BCAS3: variants seen among roughly 807,000 people sequenced by gnomAD.
BCAS3 encodes BCAS4/BCAS3 fusion.
A neutral mutation model predicts 116.1 loss-of-function variants in BCAS3; 53 were observed. That is an observed-to-expected ratio of 0.46 (90% CI 0.37 to 0.57). BCAS3 has a LOEUF of 0.57. Among genes scored for constraint, BCAS3 ranks in the 20% least tolerant of loss-of-function variants. The probability of loss-of-function intolerance (pLI) is 0.00; values close to 1 mark genes in which losing one functional copy is unlikely to be tolerated. For synonymous variants in BCAS3, 391 were observed against 408.2 expected, an observed-to-expected ratio of 0.96 and a Z score of 0.51; for missense variants, 917 against 1,165.4, an observed-to-expected ratio of 0.79 and a Z score of 3.10.
rs185834492 is a variant in BCAS3, at chr17:61,327,510, A to T, written c.2426-40817A>T. ...GGGAGCAAATAGAAAATGAAGCAAA[A>T]TTTTTTTTTTTTTAGACAGAGTCTC... On this transcript the variant is annotated intron_variant, in intron 22 of 23. Transcript: ENST00000407086. This position sits in a 1 kb window ranked among gnomAD's most constrained non-coding sequence, Gnocchi z 5.9. 0.012 allele frequency among the ~76,000 whole-genome samples: 1,741 copies of T among 145,598 alleles called. 44 individuals carry two copies. Among genetic ancestry groups the T allele is most frequent in the African/African-American group, 0.04 (1,596 of 39,984 alleles).
In BCAS3 at chr17:61,161,408, T is replaced by C. The variant is rs1376921915; in HGVS notation, c.2425+76844T>C. Among the ~76,000 whole-genome samples, 3 of 152,230 alleles carry C rather than the reference T, an allele frequency of 2.0e-5. No homozygotes were observed. The highest frequency in any genetic ancestry group is 2.9e-5 in the Non-Finnish European group (2 of 68,040). ...TGATCATGTTACAAGGCCCACTTGT[T>C]GCATTTAATTTAAAGCAGTTGTCCC... is the stretch of plus-strand genomic sequence containing the variant. On this transcript the variant is annotated intron_variant, in intron 22 of 23. Coordinates refer to ENST00000407086, the MANE Select transcript of BCAS3 (RefSeq NM_017679.5). The surrounding 1 kb of genome is among the most constrained non-coding windows in gnomAD (Gnocchi z 4.8).
In BCAS3 at chr17:61,012,427, C is replaced by CT. The variant is rs1330486215; in HGVS notation, c.1487-3320dup. Among the ~76,000 whole-genome samples the CT allele has an allele frequency of 3.9e-5, 6 of 152,022 alleles. No homozygotes were observed. Among genetic ancestry groups the CT allele is most frequent in the Non-Finnish European group, 8.8e-5 (6 of 67,922 alleles). ...CCTTTGCTTATGGCTTACAATCTGA[C>CT]TTTTCCACCTCACTGCTGAAACTAC... On this transcript the variant is annotated intron_variant, in intron 15 of 23. Coordinates refer to ENST00000407086, the MANE Select transcript of BCAS3 (RefSeq NM_017679.5). The surrounding 1 kb of genome is among the most constrained non-coding windows in gnomAD (Gnocchi z 4.5).
At chr17:61,069,730 C>T in intron 19 of BCAS3, 5 of 588,474 alleles carry the variant, frequency 8.5e-6, no homozygotes, top group Non-Finnish European at 1.5e-5. Flanking sequence ...CCCAGCTACT[C>T]AGGAGGCTGA....
intron 22 of BCAS3, among the ~76,000 whole-genome samples, chr17:61,089,008 T>C (rs2073310864): frequency 6.6e-6 from 1 of 152,346 alleles, no homozygotes; most frequent in Non-Finnish European, 1.5e-5. Flanking sequence ...CTGAGCAGCC[T>C]TGGATCATAA....
chr17:60,768,717 C>G (rs139587797), intron 6 of BCAS3, among the ~76,000 whole-genome samples: 469 of 152,222 alleles, frequency 3.1e-3, no homozygotes, highest in Non-Finnish European at 5.1e-3. Flanking sequence ...AGTAGGACAC[C>G]AAGTGGGTCA....
chr17:60,878,013 CT>C (rs11345486), intron 9 of BCAS3, among the ~76,000 whole-genome samples: 33,981 of 132,236 alleles, frequency 0.26, 6,711 homozygotes, highest in African/African-American at 0.63. Flanking sequence ...CTTTTTTTTT[CT>C]TTTTTTTTTT....
At chr17:61,298,357 C>G (rs923354484) in intron 22 of BCAS3, among the ~76,000 whole-genome samples, 1 of 152,060 alleles carries the variant, frequency 6.6e-6, no homozygotes, top group Non-Finnish European at 1.5e-5. Flanking sequence ...AATCAGCTGT[C>G]CCCCCAGGCC....
At chr17:61,052,715 C>CTT (rs60772345) in intron 19 of BCAS3, among the ~76,000 whole-genome samples, 52 of 124,972 alleles carry the variant, frequency 4.2e-4, no homozygotes, top group East Asian at 9.4e-4. Context: ...TTCTTTCTTT[C>CTT]TTTTTTTTTT....
intron 22 of BCAS3, among the ~76,000 whole-genome samples, chr17:61,308,308 G>A (rs2054008424): frequency 6.6e-6 from 1 of 152,082 alleles, no homozygotes; most frequent in African/African-American, 2.4e-5. Flanking sequence ...AGCAGCCATA[G>A]TGTTGGAAGA....
rs762673482 is a variant in BCAS3, at chr17:61,020,358, T to G, written c.1637+4457T>G. On this transcript the variant is annotated intron_variant, in intron 16 of 23. Coordinates refer to ENST00000407086, the MANE Select transcript of BCAS3 (RefSeq NM_017679.5). This position sits in a 1 kb window ranked among gnomAD's most constrained non-coding sequence, Gnocchi z 4.5. ...TACAAATAGCAGAAGACAGATGTAT[T>G]TACACCTTCTTGTTCAGTACCTTGA... Among the ~76,000 whole-genome samples the G allele has an allele frequency of 7.9e-5, 12 of 152,234 alleles. No homozygotes were observed. The highest frequency in any genetic ancestry group is 1.5e-4 in the Non-Finnish European group (10 of 68,044).
intron 22 of BCAS3, among the ~76,000 whole-genome samples, chr17:61,291,560 T>C (rs2052412784): frequency 6.6e-6 from 1 of 152,232 alleles, no homozygotes; most frequent in South Asian, 2.1e-4. Context: ...AAATGGCTTG[T>C]TTTGCTGTGC....
rs953331592 is a variant in BCAS3, at chr17:60,787,196, G to A, written c.404-20808G>A. ...AGATAAATACACAGAATTATGTGTT[G>A]TAGTTTGAGTTTTGACAAATGTGTA... On this transcript the variant is annotated intron_variant, in intron 6 of 23. Coordinates refer to ENST00000407086, the MANE Select transcript of BCAS3 (RefSeq NM_017679.5). Among the ~76,000 whole-genome samples the A allele has an allele frequency of 4.6e-5, 7 of 152,136 alleles. No homozygotes were observed. The East Asian group carries it at 1.2e-3, about 25-fold the overall frequency.
chr17:60,791,731 A>G (rs913733746), intron 6 of BCAS3, among the ~76,000 whole-genome samples: 4 of 152,038 alleles, frequency 2.6e-5, no homozygotes, highest in Non-Finnish European at 5.9e-5. Context: ...CTTTCCAAAT[A>G]TTTTCTTCTT....
At chr17:60,999,200 A>G (rs1371935103) in intron 15 of BCAS3, among the ~76,000 whole-genome samples, 1 of 152,134 alleles carries the variant, frequency 6.6e-6, no homozygotes, top group African/African-American at 2.4e-5. Flanking sequence ...TTTTGCACCA[A>G]TACTATCCTG....
At chr17:61,093,390 C>T (rs1452214305) in intron 22 of BCAS3, among the ~76,000 whole-genome samples, 1 of 152,066 alleles carries the variant, frequency 6.6e-6, no homozygotes, top group Non-Finnish European at 1.5e-5. Flanking sequence ...AGTTTGAGAC[C>T]AGCCTGGGCA....
chr17:60,802,371 C>CATATATATATATATATATATAT lies in BCAS3; in HGVS notation c.404-5615_404-5614insATATATATATATATATATATAT, dbSNP rs533515914. On this transcript the variant is annotated intron_variant, in intron 6 of 23. Transcript: ENST00000407086. The stretch of plus-strand genomic sequence containing the variant: ...ATACACACACATACATACATACATA[C>CATATATATATATATATATATAT]ATATATATATATATATATCCCCTTG... Among the ~76,000 whole-genome samples, 58 of 111,926 alleles carry CATATATATATATATATATATAT rather than the reference C, an allele frequency of 5.2e-4. 1 individual carries two copies. Among genetic ancestry groups the CATATATATATATATATATATAT allele is most frequent in the African/African-American group, 2.1e-3 (56 of 26,602 alleles). The allele number at this position is 111,926 out of a possible 152,430, so 73.4% of individuals were successfully genotyped here.
chr17:61,230,959 CTTTTTTTT>C (rs763299746), intron 22 of BCAS3, among the ~76,000 whole-genome samples: 5 of 121,854 alleles, frequency 4.1e-5, no homozygotes, highest in African/African-American at 1.3e-4. Flanking sequence ...TAGTTTTTGC[CTTTTTTTT>C]TTTTTTTTTT....
rs558828729 is a variant in BCAS3 at position 61,124,073 on chromosome 17, G to GATAT, written c.2425+39519_2425+39522dup. 9.9e-5 allele frequency among the ~76,000 whole-genome samples: 15 copies of GATAT among 151,364 alleles called. No homozygotes were observed. The South Asian group carries it at 2.5e-3, about 25-fold the overall frequency. On this transcript the variant is annotated intron_variant, in intron 22 of 23. Coordinates refer to ENST00000407086, the MANE Select transcript of BCAS3 (RefSeq NM_017679.5). This position sits in a 1 kb window ranked among gnomAD's most constrained non-coding sequence, Gnocchi z 4.6. ...ATTTCAAACTTGTATCTAGGAGAGA[G>GATAT]ATATATATATATACATATATATGTT...
chr17:61,202,833 G>A (rs558271268), intron 22 of BCAS3, among the ~76,000 whole-genome samples: 3 of 152,250 alleles, frequency 2.0e-5, no homozygotes, highest in South Asian at 2.1e-4. Context: ...TGAGTCAATC[G>A]TAGAAATAAA....
Sources: gnomAD v4.1 joint callset for allele counts (sites outside exome capture counted in the v4.1 genomes callset) on GRCh38, gnomAD v4.1.1 for gene constraint, Gnocchi (gnomAD v3.1) non-coding constraint, MANE v1.5 for transcripts, NCBI Gene and HGNC (gene_info 2026-07-23, HGNC 2026-07-21) for gene names.